The following FAM168A variants were observed in gnomAD, a reference collection of about 807,000 sequenced individuals.
FAM168A encodes family with sequence similarity 168 member A, also known as protein FAM168A.
A neutral mutation model predicts 28.5 loss-of-function variants in FAM168A; 3 were observed. That is an observed-to-expected ratio of 0.11 (90% confidence interval 0.05 to 0.27). The LOEUF is 0.27. Among genes scored for constraint, FAM168A ranks in the 10% least tolerant of loss-of-function variants. The pLI is 1.00. For synonymous variants in FAM168A, 122 were observed against 124.2 expected (o/e 0.98, Z 0.12); for missense variants, 222 against 311.5 (o/e 0.71, Z 2.16).
At chr11:73,439,192 C>T (rs935324981) in intron 2 of FAM168A, among the ~76,000 whole-genome samples, 2 of 152,110 alleles carry the variant, frequency 1.3e-5, no homozygotes. Flanking sequence ...AGATTCAAGG[C>T]CCAGCCACCC....
intron 1 of FAM168A, among the ~76,000 whole-genome samples, chr11:73,551,702 A>C (rs566317930): frequency 6.6e-6 from 1 of 152,256 alleles, no homozygotes; most frequent in Non-Finnish European, 1.5e-5. Context: ...ATTCAATTGG[A>C]GAAAAAGATT....
At chr11:73,589,616 T>G (rs1202986426) in intron 1 of FAM168A, among the ~76,000 whole-genome samples, 1 of 152,080 alleles carries the variant, frequency 6.6e-6, no homozygotes, top group Non-Finnish European at 1.5e-5. Context: ...AAGAGGAATA[T>G]CCACAATTAT....
At chr11:73,484,989 C>T (rs1030906660) in intron 1 of FAM168A, among the ~76,000 whole-genome samples, 2 of 151,944 alleles carry the variant, frequency 1.3e-5, no homozygotes, top group African/African-American at 2.4e-5. Flanking sequence ...AGATGGTGCC[C>T]ACCCAGATTA....
chr11:73,494,101 G>A (rs1257893655), intron 1 of FAM168A, among the ~76,000 whole-genome samples: 1 of 151,980 alleles, frequency 6.6e-6, no homozygotes, highest in Non-Finnish European at 1.5e-5. Flanking sequence ...TGTACATTAT[G>A]TACAGTATGG....
rs200009804 is a variant in FAM168A, at chr11:73,584,974, C to CA, written c.-19+12948dup. On this transcript the variant is annotated intron_variant, in intron 1 of 7. Transcript: ENST00000356467. Reference sequence around the variant, plus strand: ...CAACATAACGAGACTTCATCTCTACCAAAAAAAAAAAAGAATGATGGAGAG... The same window carrying CA: ...CAACATAACGAGACTTCATCTCTACCAAAAAAAAAAAAAGAATGATGGAGAG... Among the ~76,000 whole-genome samples, 255 of 139,524 alleles carry CA rather than the reference C, an allele frequency of 1.8e-3. 2 individuals are homozygous for CA. Among genetic ancestry groups the CA allele is most frequent in the East Asian group, 9.0e-3 (44 of 4,896 alleles). 91.5% of individuals were successfully genotyped at this position (139,524 alleles called of 152,430 possible).
intron 1 of FAM168A, among the ~76,000 whole-genome samples, chr11:73,594,599 G>A (rs1250127552): frequency 6.6e-6 from 1 of 152,046 alleles, no homozygotes; most frequent in Non-Finnish European, 1.5e-5. Flanking sequence ...GAGTGCAATG[G>A]CGCAATCGTG....
At chr11:73,484,628 A>C (rs1868023482) in intron 1 of FAM168A, among the ~76,000 whole-genome samples, 1 of 145,020 alleles carries the variant, frequency 6.9e-6, no homozygotes, top group African/African-American at 2.6e-5. Flanking sequence ...CTATATATAG[A>C]TATCTATATC....
At chr11:73,436,988 G>C (rs1419381686) in intron 2 of FAM168A, among the ~76,000 whole-genome samples, 2 of 152,126 alleles carry the variant, frequency 1.3e-5, no homozygotes, top group African/African-American at 2.4e-5. Flanking sequence ...CACAGGCACT[G>C]AATTATAGAG....
chr11:73,422,141 G>T (rs941244993), intron 3 of FAM168A, among the ~76,000 whole-genome samples: 8 of 152,134 alleles, frequency 5.3e-5, no homozygotes, highest in African/African-American at 1.4e-4. Flanking sequence ...TCTAGCTGGG[G>T]ATGCAACACA....
intron 2 of FAM168A, among the ~76,000 whole-genome samples, chr11:73,461,845 A>G (rs941081109): frequency 2.0e-5 from 3 of 152,232 alleles, no homozygotes; most frequent in Admixed American, 2.0e-4. Flanking sequence ...GAATGATAAC[A>G]GTGGAAAGAT....
chr11:73,482,272 G>A (rs946562336), intron 1 of FAM168A, among the ~76,000 whole-genome samples: 4 of 147,218 alleles, frequency 2.7e-5, no homozygotes, highest in African/African-American at 5.0e-5. Flanking sequence ...AGAAAGTCAT[G>A]GTTGTGGACA....
At chr11:73,490,260 T>C (rs1340103739) in intron 1 of FAM168A, among the ~76,000 whole-genome samples, 1 of 152,200 alleles carries the variant, frequency 6.6e-6, no homozygotes, top group African/African-American at 2.4e-5. Context: ...CATCTTAATC[T>C]AAATCACTAT....
intron 3 of FAM168A, among the ~76,000 whole-genome samples, chr11:73,424,229 C>T (rs1866844837): frequency 6.6e-6 from 1 of 152,176 alleles, no homozygotes; most frequent in African/African-American, 2.4e-5. Context: ...CACACAAATT[C>T]AATTTCCAGC....
At chr11:73,526,250 A>T (rs879514499) in intron 1 of FAM168A, among the ~76,000 whole-genome samples, 17 of 152,244 alleles carry the variant, frequency 1.1e-4, no homozygotes, top group Non-Finnish European at 2.1e-4. Flanking sequence ...TATTTAAAAA[A>T]TTAACTTCAC....
chr11:73,574,710 C>T (rs535796575), intron 1 of FAM168A, among the ~76,000 whole-genome samples: 159 of 140,932 alleles, frequency 1.1e-3, no homozygotes, highest in Non-Finnish European at 1.2e-3. Context: ...TGTGCCACTA[C>T]ACCTGGCATT....
At chr11:73,522,005 A>T (rs1282821710) in intron 1 of FAM168A, among the ~76,000 whole-genome samples, 2 of 152,302 alleles carry the variant, frequency 1.3e-5, no homozygotes, top group African/African-American at 4.8e-5. Flanking sequence ...AGAAAAGAAG[A>T]TATCCTACTT....
At chr11:73,502,472 A>G (rs1336917144) in intron 1 of FAM168A, among the ~76,000 whole-genome samples, 1 of 152,226 alleles carries the variant, frequency 6.6e-6, no homozygotes, top group Non-Finnish European at 1.5e-5. Flanking sequence ...GAATAGACTG[A>G]TAAGAAGTCT....
chr11:73,530,960 C>G (rs927572332), intron 1 of FAM168A, among the ~76,000 whole-genome samples: 1 of 152,142 alleles, frequency 6.6e-6, no homozygotes, highest in African/African-American at 2.4e-5. Flanking sequence ...AACACCTATT[C>G]TGCATCTGGG....
intron 1 of FAM168A, among the ~76,000 whole-genome samples, chr11:73,483,584 G>A (rs1348332770): frequency 6.6e-6 from 1 of 152,180 alleles, no homozygotes; most frequent in Non-Finnish European, 1.5e-5. Context: ...CAGCTATCCA[G>A]GTTAAGGAAA....
Sources: allele counts gnomAD v4.1 joint callset (sites outside exome capture counted in the v4.1 genomes callset), GRCh38; gene constraint gnomAD v4.1.1; transcripts MANE v1.5; gene names NCBI Gene and HGNC (gene_info 2026-07-23, HGNC 2026-07-21).